Variants in SERPINB2 observed in about 807,000 individuals in gnomAD.
The protein encoded by SERPINB2 is serpin family B member 2, also known as plasminogen activator inhibitor 2.
A neutral mutation model predicts 39.4 loss-of-function variants in SERPINB2; 28 were observed. The ratio of observed to expected loss-of-function variants is 0.71; its 90% CI spans 0.53 to 0.97. The LOEUF (loss-of-function observed/expected upper bound fraction) is 0.97. SERPINB2 is among the 50% of genes least tolerant of loss of function. The probability of loss-of-function intolerance (pLI) is 0.00; values close to 1 mark genes in which losing one functional copy is unlikely to be tolerated. For missense variants in SERPINB2, 557 were observed against 505.3 expected (o/e 1.10, Z -0.98); for synonymous variants, 209 against 175.1 (o/e 1.19, Z -1.53).
intron 4 of SERPINB2, 44 bp from the exon 5 acceptor site, chr18:63,897,683 T>C: frequency 8.0e-7 from 1 of 1,246,644 alleles, no homozygotes; most frequent in Non-Finnish European, 1.2e-6. Context: ...ATGGCTTGTT[T>C]GGTATGTATT....
intron 5 of SERPINB2, among the ~76,000 whole-genome samples, chr18:63,900,971 T>C (rs1410447655): frequency 1.3e-5 from 2 of 152,150 alleles, no homozygotes; most frequent in African/African-American, 2.4e-5. Flanking sequence ...ACCCACCTAA[T>C]AGAGTATCAA....
chr18:63,888,348 G>T (rs1207057856), intron 1 of SERPINB2, among the ~76,000 whole-genome samples: 1 of 152,142 alleles, frequency 6.6e-6, no homozygotes, highest in Non-Finnish European at 1.5e-5. Flanking sequence ...TAGTTGCAGG[G>T]TTGACTGAAG....
chr18:63,889,938 TAGAC>T, intron 1 of SERPINB2: 1 of 151,898 alleles, frequency 6.6e-6, no homozygotes, highest in Non-Finnish European at 1.5e-5. Flanking sequence ...TGGGCTTCCT[TAGAC>T]AGACCTGGGC....
intron 5 of SERPINB2, among the ~76,000 whole-genome samples, chr18:63,900,906 G>A (rs1038104488): frequency 2.0e-5 from 3 of 152,126 alleles, no homozygotes; most frequent in Admixed American, 6.6e-5. Flanking sequence ...GCATTGTAAC[G>A]TTGGGAAGAC....
chr18:63,892,666 G>A (rs1039608589), intron 2 of SERPINB2: 1 of 152,160 alleles, frequency 6.6e-6, no homozygotes, highest in Admixed American at 6.5e-5. Flanking sequence ...ACCCATGTAA[G>A]GTGGGCCTCA....
In SERPINB2 at chr18:63,891,452, A is replaced by G. The variant is rs780694742; in HGVS notation, c.8A>G (p.Asp3Gly). ...TGCTTCTAGATTGAAACAATGGAGG[A>G]TCTTTGTGTGGCAAACACACTCTTT... is the stretch of plus-strand genomic sequence containing the variant. ME[D>G]LCVANTLFAL... The change falls in exon 2 of 8, where the codon GAT becomes GGT. Residue 3 changes from aspartate to glycine, a missense_variant. Transcript: ENST00000299502. 3 of 1,613,928 alleles carry G rather than the reference A, an allele frequency of 1.9e-6. No individual in the cohort carries two copies. In the South Asian group the frequency reaches 3.3e-5, roughly 18 times the overall value.
Position 63,891,459 on chromosome 18 carries a change from T to G in SERPINB2, c.15T>G (p.Cys5Trp), listed in dbSNP as rs774747509. Residue 5 changes from cysteine to tryptophan, a missense_variant, in exon 2 of 8, where the codon TGT becomes TGG. Coordinates refer to ENST00000299502, the MANE Select transcript of SERPINB2 (RefSeq NM_002575.3). The part of the protein sequence containing the change: MEDL[C>W]VANTLFALNL... ...AGATTGAAACAATGGAGGATCTTTG[T>G]GTGGCAAACACACTCTTTGCCCTCA... is the stretch of plus-strand genomic sequence containing the variant. 1.9e-6 allele frequency: 3 copies of G among 1,614,058 alleles called. No individual in the cohort carries two copies. In the South Asian group the frequency reaches 3.3e-5, roughly 18 times the overall value.
At chr18:63,896,769 A>G (rs2049961805) in intron 3 of SERPINB2, among the ~76,000 whole-genome samples, 1 of 152,252 alleles carries the variant, frequency 6.6e-6, no homozygotes, top group Non-Finnish European at 1.5e-5. Context: ...TATCCATCTT[A>G]TAAATACAAC....
At chr18:63,900,672 C>A (rs1247168533) in intron 5 of SERPINB2, among the ~76,000 whole-genome samples, 1 of 152,100 alleles carries the variant, frequency 6.6e-6, no homozygotes, top group Non-Finnish European at 1.5e-5. Flanking sequence ...GGTGGTAACT[C>A]CAAGGTGTTG....
At chr18:63,901,312 G>A (rs1375502663) in intron 5 of SERPINB2, among the ~76,000 whole-genome samples, 4 of 151,978 alleles carry the variant, frequency 2.6e-5, no homozygotes, top group African/African-American at 4.8e-5. Context: ...TTTACAAAAC[G>A]TTTTTGAATA....
intron 4 of SERPINB2, 73 bp from the exon 5 acceptor site, chr18:63,897,654 C>A (rs921812741): frequency 2.8e-6 from 3 of 1,075,042 alleles, no homozygotes; most frequent in Non-Finnish European, 4.3e-6. Context: ...ATGGGAAGAC[C>A]ATAATTCACC....
At chr18:63,901,621 C>A in intron 5 of SERPINB2, 119 bp from the exon 6 acceptor site, 1 of 673,450 alleles carries the variant, frequency 1.5e-6, no homozygotes, top group Non-Finnish European at 2.2e-6. Flanking sequence ...AAAACTTTAG[C>A]TTGAAGATTA....
At position 63,903,057 on chromosome 18, in the gene SERPINB2, A is replaced by G; in HGVS notation, c.1000A>G (p.Asn334Asp). ...AAGCATGGGCATGGAGGACGCCTTC[A>G]ACAAGGGACGGGCCAATTTCTCAGG... Reference protein sequence around the residue: ...LRSMGMEDAFNKGRANFSGMS... With the variant: ...LRSMGMEDAFDKGRANFSGMS... The change falls in exon 8 of 8, where the codon AAC (asparagine) becomes GAC (aspartate). Residue 334 changes from asparagine to aspartate, a missense_variant. Coordinates refer to ENST00000299502, the MANE Select transcript of SERPINB2 (RefSeq NM_002575.3). 1.2e-6 allele frequency: 2 copies of G among 1,613,798 alleles called. No individual in the cohort carries two copies. The highest frequency in any genetic ancestry group is 3.3e-5 in the Admixed American group (2 of 59,966).
intron 1 of SERPINB2, chr18:63,889,712 C>G (rs968478307): frequency 6.7e-6 from 1 of 150,312 alleles, no homozygotes; most frequent in Admixed American, 6.6e-5. Flanking sequence ...TTGAGCCATC[C>G]AATGTAATCT....
Position 63,903,633 on chromosome 18 carries a change from AT to A in SERPINB2, c.*331del. On this transcript the variant is annotated 3_prime_UTR_variant, in exon 8 of 8. Transcript: ENST00000299502. Reference sequence around the variant, plus strand: ...GTTTTTAAATTATTGCTCACTGCCTATTTAATGTAGCTAATAAAGTTATAGA... The same window carrying A: ...GTTTTTAAATTATTGCTCACTGCCTATTAATGTAGCTAATAAAGTTATAGA... The A allele has an allele frequency of 6.1e-6, 1 of 164,318 alleles. No homozygotes were observed. Among genetic ancestry groups the A allele is most frequent in the Non-Finnish European group, 1.3e-5 (1 of 76,494 alleles). 10.2% of individuals were successfully genotyped at this position (164,318 alleles called of 1,614,324 possible). A position where few individuals can be genotyped will look rare whatever the true frequency, so the allele number is the denominator to read the frequency against.
chr18:63,898,400 C>T (rs1226529703), intron 5 of SERPINB2, among the ~76,000 whole-genome samples: 1 of 152,174 alleles, frequency 6.6e-6, no homozygotes, highest in African/African-American at 2.4e-5. Context: ...AGGCTCCTGC[C>T]TCCCTCTGTA....
In SERPINB2 at chr18:63,895,281, A is replaced by G. The variant is rs747400109; in HGVS notation, c.186A>G (p.Glu62=). 2 of 1,613,846 alleles carry G rather than the reference A, an allele frequency of 1.2e-6. No individual in the cohort carries two copies. Among genetic ancestry groups the G allele is most frequent in the Admixed American group, 1.7e-5 (1 of 59,952 alleles). ...GATTGCAGGTGCTTCAGTTTAATGA[A>G]GTGGGAGCCAATGCAGTTACCCCCA... ...DQMAKVLQFN[E]VGANAVTPMT... The change falls in exon 3 of 8, where the codon GAA becomes GAG. Residue 62 remains glutamate, a synonymous_variant. Transcript: ENST00000299502.
intron 2 of SERPINB2, 142 bp from the exon 3 acceptor site, chr18:63,895,122 A>G: frequency 1.1e-6 from 1 of 893,016 alleles, no homozygotes; most frequent in Non-Finnish European, 1.7e-6. Context: ...CAGAAAGAGT[A>G]TTGAGTATCT....
intron 1 of SERPINB2, among the ~76,000 whole-genome samples, chr18:63,888,204 G>T (rs1197710333): frequency 4.6e-5 from 7 of 152,168 alleles, no homozygotes; most frequent in Non-Finnish European, 8.8e-5. Flanking sequence ...GACTTCATTT[G>T]CACCTTAAAT....
Sources: allele counts gnomAD v4.1 joint callset (sites outside exome capture counted in the v4.1 genomes callset), GRCh38; gene constraint gnomAD v4.1.1; transcripts MANE v1.5; gene names NCBI Gene and HGNC (gene_info 2026-07-23, HGNC 2026-07-21).